The following MID1 variants were observed in gnomAD, a reference collection of about 807,000 sequenced individuals.
MID1 encodes midline 1.
A neutral mutation model predicts 40.4 loss-of-function variants in MID1; 7 were observed. That is an observed-to-expected ratio of 0.17 (90% CI 0.10 to 0.33). MID1 has a LOEUF of 0.33. MID1 is among the 10% of genes least tolerant of loss of function. The pLI, the probability that MID1 is intolerant of heterozygous loss-of-function variation, is 1.00. For synonymous variants in MID1, 229 were observed against 221.2 expected (o/e 1.04, Z -0.31); for missense variants, 367 against 558.5 (o/e 0.66, Z 3.46).
intron 3 of MID1, chrX:10,505,441 C>T: frequency 8.0e-6 from 6 of 753,568 alleles, no homozygotes; most frequent in Non-Finnish European, 9.4e-6. Flanking sequence ...CTCCTCCCTT[C>T]CTTTCTCTTA....
chrX:10,580,638 C>G (rs1177080802), intron 1 of MID1, among the ~76,000 whole-genome samples: 1 of 111,288 alleles, frequency 9.0e-6, no homozygotes, highest in Non-Finnish European at 1.9e-5. Context: ...ATTGTAGTCT[C>G]TAAAGAAGTT....
rs369966831 is a variant in MID1, at chrX:10,721,410, A to C, written c.-186-100991T>G. 3.7e-4 allele frequency among the ~76,000 whole-genome samples: 41 copies of C among 110,573 alleles called. 1 individual carries two copies. Among genetic ancestry groups the C allele is most frequent in the African/African-American group, 1.3e-3 (39 of 30,368 alleles). ...GGGTCCTTTGGATTCCAAAGGACCAAAGAAGCTGAGGAATAACAGATTTAA... is the reference window on the plus strand; with the variant it reads ...GGGTCCTTTGGATTCCAAAGGACCACAGAAGCTGAGGAATAACAGATTTAA... On this transcript the variant is annotated intron_variant, in intron 1 of 10. Coordinates refer to the MID1 transcript ENST00000380785.
chrX:10,464,130 T>A (rs926532626), intron 7 of MID1, among the ~76,000 whole-genome samples: 1 of 111,906 alleles, frequency 8.9e-6, no homozygotes, highest in Non-Finnish European at 1.9e-5. Context: ...AGGCTGATAA[T>A]CTTCACTAAG....
At chrX:10,640,326 C>T (rs1439524521) in intron 1 of MID1, among the ~76,000 whole-genome samples, 2 of 111,008 alleles carry the variant, frequency 1.8e-5, no homozygotes, top group African/African-American at 3.3e-5. Context: ...AGAAGACCTA[C>T]CAAGCAAATG....
chrX:10,614,922 T>C (rs776125348), intron 1 of MID1, among the ~76,000 whole-genome samples: 4 of 111,878 alleles, frequency 3.6e-5, no homozygotes, highest in Non-Finnish European at 7.5e-5. Flanking sequence ...ATGCTCTGGG[T>C]TTCAAACAAC....
intron 1 of MID1, among the ~76,000 whole-genome samples, chrX:10,788,673 T>TG (rs111899844): frequency 0.047 from 5,234 of 110,918 alleles, 289 homozygotes; most frequent in African/African-American, 0.16. Flanking sequence ...TGTCATAGTT[T>TG]GGGGGTGGAT....
intron 7 of MID1, among the ~76,000 whole-genome samples, chrX:10,462,210 C>T (rs761457688): frequency 9.9e-5 from 11 of 111,435 alleles, no homozygotes; most frequent in Non-Finnish European, 2.1e-4. Flanking sequence ...CTAACAAACA[C>T]TATTACTGTT....
chrX:10,687,196 G>C (rs763004788), intron 1 of MID1, among the ~76,000 whole-genome samples: 3 of 111,872 alleles, frequency 2.7e-5, no homozygotes, highest in African/African-American at 9.8e-5. Flanking sequence ...GGGCCAAATA[G>C]ATAGAGCCAT....
chrX:10,652,862 A>G (rs2147576158), intron 1 of MID1, among the ~76,000 whole-genome samples: 1 of 110,445 alleles, frequency 9.1e-6, no homozygotes, highest in South Asian at 3.9e-4. Flanking sequence ...TCAATTCTTA[A>G]CCTCTCCCAA....
At chrX:10,574,851 T>G (rs1042109898) in intron 1 of MID1, among the ~76,000 whole-genome samples, 1 of 112,357 alleles carries the variant, frequency 8.9e-6, no homozygotes, top group African/African-American at 3.2e-5. Flanking sequence ...GATTAATCGT[T>G]AATACCACGT....
intron 5 of MID1, among the ~76,000 whole-genome samples, chrX:10,476,657 G>C (rs1449942565): frequency 1.8e-5 from 2 of 111,846 alleles, no homozygotes; most frequent in African/African-American, 6.5e-5. Context: ...TACTGGGATT[G>C]AAAGATGCAA....
At chrX:10,676,178 A>G (rs1487648724) in intron 1 of MID1, among the ~76,000 whole-genome samples, 2 of 112,614 alleles carry the variant, frequency 1.8e-5, no homozygotes, top group Non-Finnish European at 3.7e-5. Flanking sequence ...TGAGATAGAA[A>G]TGCTTTAAAG....
In MID1 at chrX:10,506,493, G is replaced by A. The variant is rs1931847936; in HGVS notation, c.757-10802C>T. On this transcript the variant is annotated intron_variant, in intron 3 of 9. Transcript: ENST00000317552. ...CAGTACAGAACATTCCAGCTAATAG[G>A]GAAGAAGCAGAGTATTTATGTAACA... 3 of 526,105 alleles carry A rather than the reference G, an allele frequency of 5.7e-6. No homozygotes were observed. Among genetic ancestry groups the A allele is most frequent in the Non-Finnish European group, 1.0e-5 (3 of 297,603 alleles). The allele number at this position is 526,105 out of a possible 1,213,427, so 43.4% of individuals were successfully genotyped here.
At chrX:10,625,313 C>T (rs1425283467), upstream of MID1, among the ~76,000 whole-genome samples, 1 of 112,046 alleles carries the variant, frequency 8.9e-6, no homozygotes, top group Non-Finnish European at 1.9e-5. Context: ...CTGAAGTCAA[C>T]TGATTGTAGA....
chrX:10,787,704 C>T (rs2043897863), intron 1 of MID1, among the ~76,000 whole-genome samples: 2 of 103,969 alleles, frequency 1.9e-5, no homozygotes, highest in Admixed American at 2.1e-4. Context: ...AGCCACTGCA[C>T]CCGGCCCAAA....
At chrX:10,774,487 G>A (rs57245850) in intron 1 of MID1, among the ~76,000 whole-genome samples, 4,759 of 109,668 alleles carry the variant, frequency 0.043, 231 homozygotes, top group African/African-American at 0.15. Context: ...CCCTATGCTT[G>A]ACAGATAACT....
intron 2 of MID1, among the ~76,000 whole-genome samples, chrX:10,541,350 A>T (rs1234048302): frequency 9.4e-6 from 1 of 106,494 alleles, no homozygotes; most frequent in Non-Finnish European, 1.9e-5. Context: ...CCCTCCCACC[A>T]CCCCCCAGTA....
chrX:10,456,877 G>A (rs910522431), intron 8 of MID1, among the ~76,000 whole-genome samples: 1 of 111,458 alleles, frequency 9.0e-6, no homozygotes, highest in Non-Finnish European at 1.9e-5. Flanking sequence ...GCTTTAAAGG[G>A]GGAGCAGAGA....
intron 1 of MID1, among the ~76,000 whole-genome samples, chrX:10,609,265 C>T (rs1457426477): frequency 9.0e-6 from 1 of 111,233 alleles, no homozygotes; most frequent in East Asian, 2.8e-4. Flanking sequence ...TTACATGCCT[C>T]TGTGTGGGTG....
Sources: allele counts gnomAD v4.1 joint callset (sites outside exome capture counted in the v4.1 genomes callset), GRCh38; gene constraint gnomAD v4.1.1; transcripts MANE v1.5; gene names NCBI Gene and HGNC (gene_info 2026-07-23, HGNC 2026-07-21).